Variants in HP observed in about 807,000 individuals in gnomAD.
HP encodes haptoglobin.
Under a neutral mutation model 23.2 loss-of-function variants are expected in HP, and 9 were observed. That is an observed-to-expected ratio of 0.39 (90% CI 0.23 to 0.68). The LOEUF (loss-of-function observed/expected upper bound fraction) is 0.68, where lower values mean the gene tolerates loss of function less well. HP is among the 30% of genes least tolerant of loss of function. The probability of loss-of-function intolerance (pLI) is 0.47; values close to 1 mark genes in which losing one functional copy is unlikely to be tolerated. For missense variants in HP, 433 were observed against 483.6 expected, an observed-to-expected ratio of 0.90 and a Z score of 0.98; for synonymous variants, 155 against 183.3, an observed-to-expected ratio of 0.85 and a Z score of 1.25.
chr16:72,056,006 C>T (rs1314040393), intron 1 of HP, 155 bp from the exon 2 acceptor site: 3 of 1,315,078 alleles, frequency 2.3e-6, no homozygotes, highest in Middle Eastern at 2.1e-4. Context: ...CTAGCACTTC[C>T]ATATATCGAC....
In HP at chr16:72,058,313, T is replaced by C. The variant is rs1481104568; in HGVS notation, c.325T>C (p.Tyr109His). Reference protein sequence around the residue: ...AHGYVEHSVRYQCKNYYKLRT... With the variant: ...AHGYVEHSVRHQCKNYYKLRT... ...TGGCTATGTGGAGCACTCGGTTCGC[T>C]ACCAGTGTAAGAACTACTACAAACT... Residue 109 changes from tyrosine (Y) to histidine (H), a missense_variant, in exon 5 of 7, where the codon TAC (tyrosine) becomes CAC (histidine). Transcript: ENST00000355906. The C allele has an allele frequency of 1.2e-6, 1 of 813,794 alleles. No individual in the cohort carries two copies. The highest frequency in any genetic ancestry group is 3.9e-5 in the African/African-American group (1 of 25,970). 50.4% of individuals were successfully genotyped at this position (813,794 alleles called of 1,614,324 possible).
At position 72,060,174 on chromosome 16, in the gene HP, G is replaced by A. The variant is rs777170251; in HGVS notation, c.505G>A (p.Ala169Thr). The A allele has an allele frequency of 6.2e-7, 1 of 1,613,960 alleles. No homozygotes were observed. Among genetic ancestry groups the A allele is most frequent in the South Asian group, 1.1e-5 (1 of 91,078 alleles). The change falls in exon 7 of 7, where the codon GCC (alanine) becomes ACC (threonine). Residue 169 changes from alanine to threonine, a missense_variant. Physicochemically the swap from Ala to Thr is moderately conservative, Grantham distance 58 (BLOSUM62 0). Transcript: ENST00000355906. Reference protein sequence around the residue: ...VQRILGGHLDAKGSFPWQAKM... With the variant: ...VQRILGGHLDTKGSFPWQAKM... ...GCGGATCCTGGGTGGACACCTGGAT[G>A]CCAAAGGCAGCTTTCCCTGGCAGGC...
rs779931784 is a variant in HP at position 72,060,627 on chromosome 16, G to A, written c.958G>A (p.Glu320Lys). 28 of 1,614,162 alleles carry A rather than the reference G, an allele frequency of 1.7e-5. No individual in the cohort carries two copies. The highest frequency in any genetic ancestry group is 5.0e-5 in the Admixed American group (3 of 60,020). The part of the protein sequence containing the change: ...IRHYEGSTVP[E>K]KKTPKSPVGV... The stretch of plus-strand genomic sequence containing the variant: ...GCATTATGAAGGCAGCACAGTCCCC[G>A]AAAAGAAGACACCGAAGAGCCCTGT... Residue 320 changes from glutamate to lysine, a missense_variant, in exon 7 of 7, where the codon GAA (glutamate) becomes AAA (lysine). By Grantham distance (56) the Glu-to-Lys change is moderately conservative (BLOSUM62 1). This residue lies in a region of HP where 326 missense variants were observed against 358.1 expected (regional missense o/e 0.91). Coordinates refer to ENST00000355906, the MANE Select transcript of HP (RefSeq NM_005143.5).
Position 72,059,102 on chromosome 16 carries a change from CT to C in HP, c.368-8del. The C allele has an allele frequency of 6.4e-7, 1 of 1,564,132 alleles. No individual in the cohort carries two copies. The highest frequency in any genetic ancestry group is 8.7e-7 in the Non-Finnish European group (1 of 1,147,722). Reference sequence around the variant, plus strand: ...ACTTCTCCTTTGGCTCACTTCTTGCCTTTTGTTTCAGGAGTGTACACCTTAA... The same window carrying C: ...ACTTCTCCTTTGGCTCACTTCTTGCCTTTGTTTCAGGAGTGTACACCTTAA... On this transcript the variant is annotated splice_polypyrimidine_tract_variant and intron_variant, in intron 5 of 6. Coordinates refer to ENST00000355906, the MANE Select transcript of HP (RefSeq NM_005143.5).
In HP at chr16:72,055,675, C is replaced by T. The variant is rs532980525; in HGVS notation, c.6-486C>T. ...TGTTTAAAATTATATATTTAAGGAA[C>T]CTTTTATTACGGAAAATATCAAGAA... On this transcript the variant is annotated intron_variant, in intron 1 of 6. Transcript: ENST00000355906. 620 of 190,156 alleles carry T rather than the reference C, an allele frequency of 3.3e-3. 2 individuals are homozygous for T. Among genetic ancestry groups the T allele is most frequent in the South Asian group, 0.013 (125 of 9,480 alleles). 11.8% of individuals were successfully genotyped at this position (190,156 alleles called of 1,614,324 possible).
chr16:72,054,709 T>C (rs1191852930), intron 1 of HP, 52 bp downstream of exon 1: 28 of 1,611,484 alleles, frequency 1.7e-5, no homozygotes, highest in Admixed American at 6.7e-5. Flanking sequence ...TATTTCAGTC[T>C]TTTTTGCATA....
At position 72,060,665 on chromosome 16, in the gene HP, C is replaced by G. The variant is rs763395220; in HGVS notation, c.996C>G (p.Pro332=). The change falls in exon 7 of 7, where the codon CCC becomes CCG. Residue 332 remains proline (P), a synonymous_variant. Coordinates refer to ENST00000355906, the MANE Select transcript of HP (RefSeq NM_005143.5). ...CGAAGAGCCCTGTAGGGGTGCAGCC[C>G]ATACTGAATGAACACACCTTCTGTG... ...KTPKSPVGVQ[P]ILNEHTFCAG... The G allele has an allele frequency of 1.2e-6, 2 of 1,614,174 alleles. No individual in the cohort carries two copies. The highest frequency in any genetic ancestry group is 2.2e-5 in the South Asian group (2 of 91,082).
At chr16:72,055,267 G>A (rs748255814) in intron 1 of HP, 2 of 159,130 alleles carry the variant, frequency 1.3e-5, no homozygotes, top group Non-Finnish European at 2.8e-5. Flanking sequence ...AGCCTCCCAG[G>A]TAGCTGGGAC....
chr16:72,055,145 CT>C (rs576218458), intron 1 of HP: 6,821 of 162,694 alleles, frequency 0.042, 68 homozygotes, highest in South Asian at 0.075. Flanking sequence ...AGACTAGAAA[CT>C]TTTTTTTTTT....
intron 6 of HP, 75 bp from the exon 7 acceptor site, chr16:72,060,037 C>A (rs1479029081): frequency 5.2e-5 from 83 of 1,593,696 alleles, no homozygotes; most frequent in Middle Eastern, 2.2e-4. Flanking sequence ...GACAGCCGCC[C>A]ATGCTTTCAC....
chr16:72,056,082 T>A, intron 1 of HP, 79 bp from the exon 2 acceptor site: 3 of 1,523,154 alleles, frequency 2.0e-6, no homozygotes, highest in African/African-American at 1.4e-5. Flanking sequence ...TGTGTGTACA[T>A]GCATGTGTGT....
rs2041520837 is a variant in HP, at chr16:72,060,239, G to A, written c.570G>A (p.Thr190=). The change falls in exon 7 of 7, where the codon ACG becomes ACA. Residue 190 remains threonine (T), a synonymous_variant. Transcript: ENST00000355906. Reference sequence around the variant, plus strand: ...ACCATAATCTCACCACAGGTGCCACGCTGATCAATGAACAATGGCTGCTGA... The same window carrying A: ...ACCATAATCTCACCACAGGTGCCACACTGATCAATGAACAATGGCTGCTGA... The part of the protein sequence containing the change: ...VSHHNLTTGA[T]LINEQWLLTT... 4.3e-6 allele frequency: 7 copies of A among 1,614,054 alleles called. No individual in the cohort carries two copies. The highest frequency in any genetic ancestry group is 4.0e-5 in the African/African-American group (3 of 74,924).
chr16:72,060,859 A>G lies in HP; in HGVS notation c.1190A>G (p.Asp397Gly). Residue 397 changes from aspartate to glycine, a missense_variant, in exon 7 of 7, where the codon GAC (aspartate) becomes GGC (glycine). By Grantham distance (94) the Asp-to-Gly change is moderately conservative. Transcript: ENST00000355906. ...GVYVKVTSIQ[D>G]WVQKTIAEN ...TATGTGAAGGTGACTTCCATCCAGG[A>G]CTGGGTTCAGAAGACCATAGCTGAG... is the stretch of plus-strand genomic sequence containing the variant. The G allele has an allele frequency of 6.2e-7, 1 of 1,605,666 alleles. No individual in the cohort carries two copies.
In HP at chr16:72,060,384, C is replaced by T. The variant is rs1182827078; in HGVS notation, c.715C>T (p.His239Tyr). ...TGTAGAGATTGAGAAGGTTGTTCTACACCCTAACTACTCCCAGGTAGATAT... is the reference window on the plus strand; with the variant it reads ...TGTAGAGATTGAGAAGGTTGTTCTATACCCTAACTACTCCCAGGTAGATAT... ...QLVEIEKVVL[H>Y]PNYSQVDIGL... The change falls in exon 7 of 7, where the codon CAC (histidine) becomes TAC (tyrosine). Residue 239 changes from histidine to tyrosine, a missense_variant. His to Tyr is a moderately conservative substitution (Grantham distance 83, BLOSUM62 2). This residue lies in a region of HP where 326 missense variants were observed against 358.1 expected (regional missense o/e 0.91). Transcript: ENST00000355906. 6 of 1,614,186 alleles carry T rather than the reference C, an allele frequency of 3.7e-6. No homozygotes were observed. The highest frequency in any genetic ancestry group is 3.3e-5 in the South Asian group (3 of 91,086).
rs762487399 is a variant in HP, at chr16:72,060,760, TGGA to T, written c.1098_1100del (p.Glu366del). Reference sequence around the variant, plus strand: ...GGCAGTGCCTTTGCCGTTCACGACCTGGAGGAGGACACCTGGTATGCGACTGGG... The same window carrying T: ...GGCAGTGCCTTTGCCGTTCACGACCTGGAGGACACCTGGTATGCGACTGGG... On this transcript the variant is annotated inframe_deletion, in exon 7 of 7. Transcript: ENST00000355906. 1.2e-6 allele frequency: 2 copies of T among 1,614,166 alleles called. No individual in the cohort carries two copies. The highest frequency in any genetic ancestry group is 1.7e-6 in the Non-Finnish European group (2 of 1,180,040).
Position 72,059,309 on chromosome 16 carries a change from C to A in HP, c.442+121C>A, listed in dbSNP as rs188133907. 1.4e-5 allele frequency: 19 copies of A among 1,361,512 alleles called. 1 individual carries two copies. Among genetic ancestry groups the A allele is most frequent in the Non-Finnish European group, 1.8e-5 (18 of 974,208 alleles). 84.3% of individuals were successfully genotyped at this position (1,361,512 alleles called of 1,614,324 possible). A position where few individuals can be genotyped will look rare whatever the true frequency, so the allele number is the denominator to read the frequency against. ...GCCAGGAGGAGGGATGTGGGAGAAC[C>A]GCAGCTGGCCAGGGAGAGACTTAAG... On this transcript the variant is annotated intron_variant, in intron 6 of 6. Transcript: ENST00000355906.
rs397777668 is a variant in HP, at chr16:72,057,172, G to A, written c.191-220G>A. On this transcript the variant is annotated intron_variant, in intron 3 of 6. Coordinates refer to ENST00000355906, the MANE Select transcript of HP (RefSeq NM_005143.5). ...TGTACTGCTTGGCTGTGACCGCCAT[G>A]ACCACAGTGTGTTCTGCTGGGCTTA... The A allele has an allele frequency of 4.8e-6, 3 of 618,900 alleles. 1 individual carries two copies. The African/African-American group carries it at 5.8e-5, about 12-fold the overall frequency. The allele number at this position is 618,900 out of a possible 1,614,324, so 38.3% of individuals were successfully genotyped here. A position where few individuals can be genotyped will look rare whatever the true frequency, so the allele number is the denominator to read the frequency against.
chr16:72,060,745 T>C lies in HP; in HGVS notation c.1076T>C (p.Phe359Ser). The part of the protein sequence containing the change: ...DTCYGDAGSA[F>S]AVHDLEEDTW... ...TGCTATGGCGATGCGGGCAGTGCCT[T>C]TGCCGTTCACGACCTGGAGGAGGAC... Residue 359 changes from phenylalanine to serine, a missense_variant, in exon 7 of 7, where the codon TTT (phenylalanine) becomes TCT (serine). Phe to Ser is a radical substitution (Grantham distance 155). Coordinates refer to ENST00000355906, the MANE Select transcript of HP (RefSeq NM_005143.5). 6.2e-7 allele frequency: 1 copy of C among 1,614,162 alleles called. No individual in the cohort carries two copies. The highest frequency in any genetic ancestry group is 8.5e-7 in the Non-Finnish European group (1 of 1,180,038).
chr16:72,060,692 T>C lies in HP; in HGVS notation c.1023T>C (p.Ala341=), dbSNP rs5476. ...TACTGAATGAACACACCTTCTGTGCTGGCATGTCTAAGTACCAAGAAGACA... is the reference window on the plus strand; with the variant it reads ...TACTGAATGAACACACCTTCTGTGCCGGCATGTCTAAGTACCAAGAAGACA... ...QPILNEHTFC[A]GMSKYQEDTC... Residue 341 remains alanine (A), a synonymous_variant, in exon 7 of 7, where the codon GCT becomes GCC. Coordinates refer to ENST00000355906, the MANE Select transcript of HP (RefSeq NM_005143.5). The C allele has an allele frequency of 2.4e-4, 382 of 1,614,014 alleles. 3 individuals carry two copies. The African/African-American group carries it at 3.7e-3, about 15-fold the overall frequency.
Sources: gnomAD v4.1 joint callset for allele counts on GRCh38, gnomAD v4.1.1 for gene constraint, gnomAD v4.1.1 regional missense constraint, MANE v1.5 for transcripts, NCBI Gene and HGNC (gene_info 2026-07-23, HGNC 2026-07-21) for gene names.